LENG9: variants seen among roughly 807,000 people sequenced by gnomAD.
LENG9 encodes leukocyte receptor cluster member 9, also known as leukocyte receptor cluster (LRC) member 9.
For missense variants in LENG9, 872 were observed against 652.7 expected (o/e 1.34, Z -3.66); for synonymous variants, 410 against 303.9 (o/e 1.35, Z -3.63).
chr19:54,462,084 G>A lies in LENG9; in HGVS notation c.*6C>T. ...ATCCATTGTCTCCTCCAGAGGTCTGGGGGTGTCACTCCAGGGGGATCTCAG... is the reference window on the plus strand; with the variant it reads ...ATCCATTGTCTCCTCCAGAGGTCTGAGGGTGTCACTCCAGGGGGATCTCAG... On this transcript the variant is annotated 3_prime_UTR_variant, in exon 1 of 1. Coordinates refer to ENST00000611161, the MANE Select transcript of LENG9 (RefSeq NM_001301782.2). The A allele has an allele frequency of 6.4e-7, 1 of 1,558,786 alleles. No homozygotes were observed. Among genetic ancestry groups the A allele is most frequent in the East Asian group, 2.2e-5 (1 of 44,530 alleles).
rs1196267107 is a variant in LENG9 at position 54,462,393 on chromosome 19, TC to T, written c.1133del (p.Arg378LysfsTer26). On this transcript the variant is annotated frameshift_variant, in exon 1 of 1. Coordinates refer to ENST00000611161, the MANE Select transcript of LENG9 (RefSeq NM_001301782.2). LOFTEE classifies it low-confidence loss of function (END_TRUNC). ...GLNAPPRLSF[R>X]KLVLLGPHVL... ...CATGCGGGCCCAGGAGGACCAGCTT[TC>T]TAAAGCTCAGCCGAGGGGGTGCATT... 2 of 1,612,828 alleles carry T rather than the reference TC, an allele frequency of 1.2e-6. No individual in the cohort carries two copies. The highest frequency in any genetic ancestry group is 1.7e-6 in the Non-Finnish European group (2 of 1,179,446).
rs776962788 is a variant in LENG9 at position 54,462,413 on chromosome 19, G to C, written c.1114C>G (p.Pro372Ala). ...RALLAPGLNA[P>A]PRLSFRKLVL... The stretch of plus-strand genomic sequence containing the variant: ...AGCTTTCTAAAGCTCAGCCGAGGGG[G>C]TGCATTTAGCCCCGGGGCCAAGAGG... Residue 372 changes from proline to alanine, a missense_variant, in exon 1 of 1, where the codon CCC (proline) becomes GCC (alanine). By Grantham distance (27) the Pro-to-Ala change is conservative. Coordinates refer to ENST00000611161, the MANE Select transcript of LENG9 (RefSeq NM_001301782.2). 1 of 1,613,440 alleles carries C rather than the reference G, an allele frequency of 6.2e-7. No individual in the cohort carries two copies. Among genetic ancestry groups the C allele is most frequent in the Admixed American group, 1.7e-5 (1 of 60,012 alleles).
At position 54,462,771 on chromosome 19, in the gene LENG9, C is replaced by G. The variant is rs201211370; in HGVS notation, c.756G>C (p.Leu252=). 4 of 1,611,094 alleles carry G rather than the reference C, an allele frequency of 2.5e-6. No homozygotes were observed. The Admixed American group carries it at 6.7e-5, about 27-fold the overall frequency. The change falls in exon 1 of 1, where the codon CTG becomes CTC. Residue 252 remains leucine (L), a synonymous_variant. Coordinates refer to ENST00000611161, the MANE Select transcript of LENG9 (RefSeq NM_001301782.2). Reference sequence around the variant, plus strand: ...CCAGGGCCTGTGCTTCCTTGCCCCCCAGCAATGTGGTCCTGGTGGCTGCTG... The same window carrying G: ...CCAGGGCCTGTGCTTCCTTGCCCCCGAGCAATGTGGTCCTGGTGGCTGCTG... The part of the protein sequence containing the change: ...KPTAATRTTL[L]GGKEAQALGV...
At position 54,462,450 on chromosome 19, in the gene LENG9, A is replaced by T; in HGVS notation, c.1077T>A (p.Ala359=). 1 of 1,613,490 alleles carries T rather than the reference A, an allele frequency of 6.2e-7. No homozygotes were observed. Among genetic ancestry groups the T allele is most frequent in the South Asian group, 1.1e-5 (1 of 91,084 alleles). The change falls in exon 1 of 1, where the codon GCT becomes GCA. Residue 359 remains alanine, a synonymous_variant. Transcript: ENST00000611161. ...GAGEEAAAIG[A]LRRALLAPGL... Reference sequence around the variant, plus strand: ...CCGGGGCCAAGAGGGCCCGTCTCAGAGCTCCAATGGCAGCGGCCTCCTCCC... The same window carrying T: ...CCGGGGCCAAGAGGGCCCGTCTCAGTGCTCCAATGGCAGCGGCCTCCTCCC...
Position 54,463,136 on chromosome 19 carries a change from G to A in LENG9, c.391C>T (p.Arg131Cys). The A allele has an allele frequency of 6.3e-7, 1 of 1,596,354 alleles. No homozygotes were observed. The highest frequency in any genetic ancestry group is 1.1e-5 in the South Asian group (1 of 90,124). ...PQHRVRFFRF[R>C]GRLVWDRASR... is the part of the protein sequence containing the mutation. ...GCGCGGTCCCACACAAGGCGGCCACGGAAGCGGAAGAAGCGCACGCGGTGC... is the reference window on the plus strand; with the variant it reads ...GCGCGGTCCCACACAAGGCGGCCACAGAAGCGGAAGAAGCGCACGCGGTGC... The change falls in exon 1 of 1, where the codon CGT becomes TGT. Residue 131 changes from arginine to cysteine, a missense_variant. Physicochemically the swap from Arg to Cys is radical, Grantham distance 180 (BLOSUM62 -3). Transcript: ENST00000611161.
Position 54,462,076 on chromosome 19 carries a change from G to A in LENG9, c.*14C>T. The A allele has an allele frequency of 6.4e-7, 1 of 1,550,728 alleles. No homozygotes were observed. Among genetic ancestry groups the A allele is most frequent in the Non-Finnish European group, 8.7e-7 (1 of 1,151,304 alleles). ...CTGTTTGCATCCATTGTCTCCTCCA[G>A]AGGTCTGGGGGTGTCACTCCAGGGG... On this transcript the variant is annotated 3_prime_UTR_variant, in exon 1 of 1. Transcript: ENST00000611161.
Position 54,462,815 on chromosome 19 carries a change from T to C in LENG9, c.712A>G (p.Thr238Ala), listed in dbSNP as rs2084637783. 4 of 1,564,474 alleles carry C rather than the reference T, an allele frequency of 2.6e-6. No individual in the cohort carries two copies. The highest frequency in any genetic ancestry group is 1.7e-4 in the Middle Eastern group (1 of 5,970). ...LAPRGRLAGV[T>A]EALKPTAATR... ...GCTGCTGTTGGCTTCAGTGCCTCAG[T>C]CACTCCGGCGAGGCGTCCTCTTGGG... Residue 238 changes from threonine (T) to alanine (A), a missense_variant, in exon 1 of 1, where the codon ACT becomes GCT. Transcript: ENST00000611161.
rs753615230 is a variant in LENG9 at position 54,462,981 on chromosome 19, C to G, written c.546G>C (p.Gln182His). The G allele has an allele frequency of 1.9e-6, 3 of 1,605,970 alleles. No homozygotes were observed. In the South Asian group the frequency reaches 3.3e-5, roughly 18 times the overall value. Residue 182 changes from glutamine (Q) to histidine (H), a missense_variant, in exon 1 of 1, where the codon CAG (glutamine) becomes CAC (histidine). Coordinates refer to ENST00000611161, the MANE Select transcript of LENG9 (RefSeq NM_001301782.2). The stretch of plus-strand genomic sequence containing the variant: ...CTCGCTTGGGGGCAGCCTGGGCCTC[C>G]TGACCTGTCCCCGCCAGTGTCCACT... ...GAEWTLAGTG[Q>H]EAQAAPKRGS...
In LENG9 at chr19:54,463,207, T is replaced by A; in HGVS notation, c.320A>T (p.Asp107Val). 1 of 1,556,192 alleles carries A rather than the reference T, an allele frequency of 6.4e-7. No individual in the cohort carries two copies. Among genetic ancestry groups the A allele is most frequent in the African/African-American group, 1.4e-5 (1 of 73,588 alleles). ...REEPFSAFCW[D>V]QPLAALGPGV... ...CGGCCCGAGCGCCGCCAGCGGCTGG[T>A]CCCAGCAAAAGGCGCTGAAGGGCTC... Residue 107 changes from aspartate (D) to valine (V), a missense_variant, in exon 1 of 1, where the codon GAC becomes GTC. Transcript: ENST00000611161.
In LENG9 at chr19:54,462,520, TGA is replaced by T. The variant is rs746247386; in HGVS notation, c.1005_1006del (p.Gln336GlufsTer42). 4 of 1,613,594 alleles carry T rather than the reference TGA, an allele frequency of 2.5e-6. No homozygotes were observed. The highest frequency in any genetic ancestry group is 1.7e-5 in the Admixed American group (1 of 60,024). On this transcript the variant is annotated frameshift_variant, in exon 1 of 1. Transcript: ENST00000611161. LOFTEE classifies it low-confidence loss of function (END_TRUNC). ...CAGGGCCAGGGTCAGGTGTAGGTTC[TGA>T]GAGGGCACTAGGAAGTTGGCGCAGT... is the stretch of plus-strand genomic sequence containing the variant.
Position 54,462,193 on chromosome 19 carries a change from A to C in LENG9, c.1334T>G (p.Leu445Arg). 1 of 1,613,444 alleles carries C rather than the reference A, an allele frequency of 6.2e-7. No individual in the cohort carries two copies. The highest frequency in any genetic ancestry group is 2.2e-5 in the East Asian group (1 of 44,874). The change falls in exon 1 of 1, where the codon CTC (leucine) becomes CGC (arginine). Residue 445 changes from leucine (L) to arginine (R), a missense_variant. By Grantham distance (102) the Leu-to-Arg change is moderately radical. Coordinates refer to ENST00000611161, the MANE Select transcript of LENG9 (RefSeq NM_001301782.2). ...QVHLPKLEFT[L>R]SQEVGCQPLQ... The stretch of plus-strand genomic sequence containing the variant: ...GGGCTGGCACCCCACTTCCTGGCTG[A>C]GGGTGAACTCCAGCTTGGGGAGGTG...
At position 54,463,383 on chromosome 19, in the gene LENG9, C is replaced by T. The variant is rs925796697; in HGVS notation, c.144G>A (p.Pro48=). 5 of 1,293,692 alleles carry T rather than the reference C, an allele frequency of 3.9e-6. No individual in the cohort carries two copies. The African/African-American group carries it at 4.7e-5, about 12-fold the overall frequency. 80.1% of individuals were successfully genotyped at this position (1,293,692 alleles called of 1,614,324 possible). ...CCTCCGGCTGCGCCTCGCGGCCAGG[C>T]GGCGCCGGCGCCCCAGGGTGGGGCT... ...CRQPHPGAPA[P]PGREAQPEAG... The change falls in exon 1 of 1, where the codon CCG becomes CCA. Residue 48 remains proline, a synonymous_variant. Transcript: ENST00000611161.
Position 54,463,298 on chromosome 19 carries a change from C to T in LENG9, c.229G>A (p.Asp77Asn), listed in dbSNP as rs2084661752. ...AAGTCGGCGGGGTCGAGGCGCGGGTCCCAGCGGATGCGCTGGATGACGTCC... is the reference window on the plus strand; with the variant it reads ...AAGTCGGCGGGGTCGAGGCGCGGGTTCCAGCGGATGCGCTGGATGACGTCC... Reference protein sequence around the residue: ...AADVIQRIRWDPRLDPADFSV... With the variant: ...AADVIQRIRWNPRLDPADFSV... The change falls in exon 1 of 1, where the codon GAC (aspartate) becomes AAC (asparagine). Residue 77 changes from aspartate to asparagine, a missense_variant. Coordinates refer to ENST00000611161, the MANE Select transcript of LENG9 (RefSeq NM_001301782.2). The T allele has an allele frequency of 1.3e-6, 2 of 1,533,804 alleles. No individual in the cohort carries two copies. Among genetic ancestry groups the T allele is most frequent in the African/African-American group, 1.4e-5 (1 of 72,438 alleles).
Position 54,462,525 on chromosome 19 carries a change from G to A in LENG9, c.1002C>T (p.Pro334=). 1 of 1,613,660 alleles carries A rather than the reference G, an allele frequency of 6.2e-7. No individual in the cohort carries two copies. The highest frequency in any genetic ancestry group is 2.2e-5 in the East Asian group (1 of 44,886). The change falls in exon 1 of 1, where the codon CCC becomes CCT. Residue 334 remains proline (P), a synonymous_variant. Transcript: ENST00000611161. ...VAPHCANFLV[P]SQNLHLTLAL... ...CCAGGGTCAGGTGTAGGTTCTGAGA[G>A]GGCACTAGGAAGTTGGCGCAGTGTG...
Position 54,463,233 on chromosome 19 carries a change from C to G in LENG9, c.294G>C (p.Glu98Asp). The change falls in exon 1 of 1, where the codon GAG (glutamate) becomes GAC (aspartate). Residue 98 changes from glutamate (E) to aspartate (D), a missense_variant. Glu to Asp is a conservative substitution (Grantham distance 45). Coordinates refer to ENST00000611161, the MANE Select transcript of LENG9 (RefSeq NM_001301782.2). ...GYVDRFLGVREEPFSAFCWDQ... is the reference protein window; with the variant it reads ...GYVDRFLGVRDEPFSAFCWDQ... Reference sequence around the variant, plus strand: ...CCCAGCAAAAGGCGCTGAAGGGCTCCTCGCGCACACCCAGAAAGCGGTCGA... The same window carrying G: ...CCCAGCAAAAGGCGCTGAAGGGCTCGTCGCGCACACCCAGAAAGCGGTCGA... The G allele has an allele frequency of 6.5e-7, 1 of 1,546,120 alleles. No homozygotes were observed. The highest frequency in any genetic ancestry group is 8.7e-7 in the Non-Finnish European group (1 of 1,152,022).
At position 54,462,765 on chromosome 19, in the gene LENG9, G is replaced by GCCCCCC; in HGVS notation, c.756_761dup (p.Gly253_Gly254dup). 6.2e-7 allele frequency: 1 copy of GCCCCCC among 1,611,108 alleles called. No individual in the cohort carries two copies. Among genetic ancestry groups the GCCCCCC allele is most frequent in the Non-Finnish European group, 8.5e-7 (1 of 1,179,912 alleles). On this transcript the variant is annotated inframe_insertion, in exon 1 of 1. Coordinates refer to ENST00000611161, the MANE Select transcript of LENG9 (RefSeq NM_001301782.2). ...GGACTCCCAGGGCCTGTGCTTCCTT[G>GCCCCCC]CCCCCCAGCAATGTGGTCCTGGTGG...
In LENG9 at chr19:54,461,875, G is replaced by A; in HGVS notation, c.*215C>T. The A allele has an allele frequency of 1.4e-6, 1 of 732,132 alleles. No homozygotes were observed. Among genetic ancestry groups the A allele is most frequent in the South Asian group, 1.5e-5 (1 of 68,810 alleles). 45.4% of individuals were successfully genotyped at this position (732,132 alleles called of 1,614,324 possible). On this transcript the variant is annotated 3_prime_UTR_variant, in exon 1 of 1. Coordinates refer to ENST00000611161, the MANE Select transcript of LENG9 (RefSeq NM_001301782.2). ...AGTTTGCAAACAGCTGGACTGTCAG[G>A]CTGCTTTTTTTCCAGATGTTCCTCC...
chr19:54,463,445 G>C lies in LENG9; in HGVS notation c.82C>G (p.Leu28Val). 7.9e-7 allele frequency: 1 copy of C among 1,267,162 alleles called. No individual in the cohort carries two copies. Among genetic ancestry groups the C allele is most frequent in the Non-Finnish European group, 9.9e-7 (1 of 1,006,630 alleles). 78.5% of individuals were successfully genotyped at this position (1,267,162 alleles called of 1,614,324 possible). ...GCGCCGAAGCGGCAGCGGCCTTCCA[G>C]GAAGAAGCGGCAGGCCGGCGGGGGC... ...PAPPPACRFF[L>V]EGRCRFGARC... The change falls in exon 1 of 1, where the codon CTG (leucine) becomes GTG (valine). Residue 28 changes from leucine to valine, a missense_variant. By Grantham distance (32) the Leu-to-Val change is conservative. Transcript: ENST00000611161.
At position 54,462,207 on chromosome 19, in the gene LENG9, C is replaced by T. The variant is rs776499967; in HGVS notation, c.1320G>A (p.Lys440=). ...CTTCCTGGCTGAGGGTGAACTCCAG[C>T]TTGGGGAGGTGGACCTGGGAACCAT... ...VPHGSQVHLP[K]LEFTLSQEVG... is the part of the protein sequence containing the mutation. The change falls in exon 1 of 1, where the codon AAG becomes AAA. Residue 440 remains lysine (K), a synonymous_variant. Transcript: ENST00000611161. 3 of 1,613,600 alleles carry T rather than the reference C, an allele frequency of 1.9e-6. No homozygotes were observed. The highest frequency in any genetic ancestry group is 1.7e-6 in the Non-Finnish European group (2 of 1,179,740).
Sources: allele counts gnomAD v4.1 joint callset, GRCh38; gene constraint gnomAD v4.1.1; transcripts MANE v1.5; gene names NCBI Gene and HGNC (gene_info 2026-07-23, HGNC 2026-07-21).